Variants in LRRC52 observed in about 807,000 individuals in gnomAD.
The protein encoded by LRRC52 is leucine-rich repeat-containing protein 52.
Under a neutral mutation model 14.7 loss-of-function variants are expected in LRRC52, and 15 were observed. The ratio of observed to expected loss-of-function variants is 1.02; its 90% CI spans 0.68 to 1.58. The LOEUF (loss-of-function observed/expected upper bound fraction) is 1.58, where lower values mean the gene tolerates loss of function less well. Among genes scored for constraint, LRRC52 ranks in the 40% most tolerant of loss-of-function variants. The pLI is 0.00. For synonymous variants in LRRC52, 180 were observed against 163.9 expected, an observed-to-expected ratio of 1.10 and a Z score of -0.75; for missense variants, 400 against 387.7, an observed-to-expected ratio of 1.03 and a Z score of -0.27.
chr1:165,544,091 A>G lies in LRRC52; in HGVS notation c.-206A>G, dbSNP rs1660958980. 1.3e-5 allele frequency: 8 copies of G among 631,440 alleles called. No individual in the cohort carries two copies. In the South Asian group the frequency reaches 1.7e-4, roughly 13 times the overall value. The allele number at this position is 631,440 out of a possible 1,614,324, so 39.1% of individuals were successfully genotyped here. ...GCAGCAGTCTGGGAGCGAGCGACAG[A>G]GCCACCAAGCTGGGCGGCAGGGCAT... On this transcript the variant is annotated 5_prime_UTR_variant, in exon 1 of 2. Coordinates refer to ENST00000294818, the MANE Select transcript of LRRC52 (RefSeq NM_001005214.4).
chr1:165,554,466 A>T (rs1661195522), intron 1 of LRRC52, among the ~76,000 whole-genome samples: 1 of 139,782 alleles, frequency 7.2e-6, no homozygotes, highest in South Asian at 2.2e-4. Flanking sequence ...TTGGAGGCAG[A>T]CTCTTGCTGC....
At chr1:165,549,457 G>C (rs1253035667) in intron 1 of LRRC52, among the ~76,000 whole-genome samples, 1 of 152,208 alleles carries the variant, frequency 6.6e-6, no homozygotes, top group South Asian at 2.1e-4. Context: ...TTAGTCACTA[G>C]AGGTTCATCC....
chr1:165,555,512 T>C (rs967009011), intron 1 of LRRC52, among the ~76,000 whole-genome samples: 1 of 152,088 alleles, frequency 6.6e-6, no homozygotes. Context: ...TGGGAAGTCA[T>C]GGAAGGATTT....
Position 165,544,821 on chromosome 1 carries a change from T to C in LRRC52, c.525T>C (p.Thr175=), listed in dbSNP as rs766390110. The C allele has an allele frequency of 1.2e-6, 2 of 1,613,714 alleles. No homozygotes were observed. Among genetic ancestry groups the C allele is most frequent in the Non-Finnish European group, 1.7e-6 (2 of 1,179,830 alleles). The change falls in exon 1 of 2, where the codon ACT becomes ACC. Residue 175 remains threonine, a synonymous_variant. Coordinates refer to ENST00000294818, the MANE Select transcript of LRRC52 (RefSeq NM_001005214.4). ...LDSAALYHLT[T]LETLFLSGNP... is the part of the protein sequence containing the mutation. ...GTGCTGCCTTATACCACCTCACTAC[T>C]CTGGAGACCCTGTTTCTGAGTGGAA...
At chr1:165,558,457 T>G (rs1221466567) in intron 1 of LRRC52, among the ~76,000 whole-genome samples, 5 of 152,230 alleles carry the variant, frequency 3.3e-5, no homozygotes, top group Non-Finnish European at 2.9e-5. Flanking sequence ...GTATAGTTTA[T>G]TCATTCCATA....
In LRRC52 at chr1:165,544,782, G is replaced by A; in HGVS notation, c.486G>A (p.Leu162=). 6.2e-7 allele frequency: 1 copy of A among 1,614,032 alleles called. No homozygotes were observed. The highest frequency in any genetic ancestry group is 8.5e-7 in the Non-Finnish European group (1 of 1,180,006). The change falls in exon 1 of 2, where the codon TTG becomes TTA. Residue 162 remains leucine (L), a synonymous_variant. Transcript: ENST00000294818. ...ACCTGGACCTCAGAAATACCGGCTT[G>A]CAGACCCTGGACAGTGCTGCCTTAT... The part of the protein sequence containing the change: ...LRYLDLRNTG[L]QTLDSAALYH...
At position 165,547,896 on chromosome 1, in the gene LRRC52, G is replaced by T. The variant is rs1023510568; in HGVS notation, c.622+2978G>T. On this transcript the variant is annotated intron_variant, in intron 1 of 1. Coordinates refer to ENST00000294818, the MANE Select transcript of LRRC52 (RefSeq NM_001005214.4). ...CTAGCCAAACCTCAATGTAAGGAAA[G>T]GTATTTAATTCATTTGACTCTCAAA... is the stretch of plus-strand genomic sequence containing the variant. Among the ~76,000 whole-genome samples, 5 of 152,130 alleles carry T rather than the reference G, an allele frequency of 3.3e-5. No homozygotes were observed. The East Asian group carries it at 9.6e-4, about 29-fold the overall frequency.
At chr1:165,561,902 C>T (rs991749160) in intron 1 of LRRC52, among the ~76,000 whole-genome samples, 2 of 152,230 alleles carry the variant, frequency 1.3e-5, no homozygotes, top group Admixed American at 1.3e-4. Flanking sequence ...TGCCTTCTCC[C>T]CAGCCAACTT....
At chr1:165,553,892 G>A (rs1661184225) in intron 1 of LRRC52, among the ~76,000 whole-genome samples, 1 of 152,180 alleles carries the variant, frequency 6.6e-6, no homozygotes, top group Admixed American at 6.5e-5. Flanking sequence ...TTCATGTAAT[G>A]TTTTCTATGA....
chr1:165,559,862 T>C (rs777693270), intron 1 of LRRC52, among the ~76,000 whole-genome samples: 11 of 152,194 alleles, frequency 7.2e-5, no homozygotes, highest in Admixed American at 7.2e-4. Context: ...AGTAAGATAA[T>C]ATTTGCCTAA....
rs150814230 is a variant in LRRC52, at chr1:165,544,479, C to G, written c.183C>G (p.Asn61Lys). Residue 61 changes from asparagine (N) to lysine (K), a missense_variant, in exon 1 of 2, where the codon AAC (asparagine) becomes AAG (lysine). Asn to Lys is a moderately conservative substitution (Grantham distance 94, BLOSUM62 0). Coordinates refer to ENST00000294818, the MANE Select transcript of LRRC52 (RefSeq NM_001005214.4). Reference protein sequence around the residue: ...IPLNTRRLFLNENRITSLPAM... With the variant: ...IPLNTRRLFLKENRITSLPAM... ...TGAACACCCGGAGGCTGTTCCTGAA[C>G]GAGAACAGAATCACTAGTTTGCCAG... 6.2e-7 allele frequency: 1 copy of G among 1,614,134 alleles called. No individual in the cohort carries two copies. The highest frequency in any genetic ancestry group is 8.5e-7 in the Non-Finnish European group (1 of 1,180,026).
chr1:165,547,037 A>G (rs1661033065), intron 1 of LRRC52, among the ~76,000 whole-genome samples: 1 of 152,034 alleles, frequency 6.6e-6, no homozygotes, highest in Non-Finnish European at 1.5e-5. Flanking sequence ...TTTTCCACAC[A>G]TGGTACCTCA....
Position 165,544,304 on chromosome 1 carries a change from T to C in LRRC52, c.8T>C (p.Leu3Pro). MSLASGPGPGWLL... is the reference protein window; with the variant it reads MSPASGPGPGWLL... ...TGGTTGTGGCTTCTTACTATGTCCC[T>C]TGCTTCAGGCCCTGGCCCTGGGTGG... The change falls in exon 1 of 2, where the codon CTT becomes CCT. Residue 3 changes from leucine (L) to proline (P), a missense_variant. Leu to Pro is a moderately conservative substitution (Grantham distance 98, BLOSUM62 -3). Transcript: ENST00000294818. 1 of 1,551,688 alleles carries C rather than the reference T, an allele frequency of 6.4e-7. No homozygotes were observed.
chr1:165,561,174 T>C (rs957037194), intron 1 of LRRC52, among the ~76,000 whole-genome samples: 1 of 152,042 alleles, frequency 6.6e-6, no homozygotes, highest in Non-Finnish European at 1.5e-5. Flanking sequence ...TAACAATGCA[T>C]TAAAATCACT....
At chr1:165,547,530 A>T (rs1008417741) in intron 1 of LRRC52, among the ~76,000 whole-genome samples, 8 of 152,158 alleles carry the variant, frequency 5.3e-5, no homozygotes, top group African/African-American at 1.9e-4. Flanking sequence ...ATTTGCTCTC[A>T]TTTGGGCCTT....
intron 1 of LRRC52, among the ~76,000 whole-genome samples, chr1:165,560,142 A>G (rs1661313808): frequency 6.6e-6 from 1 of 152,248 alleles, no homozygotes; most frequent in Non-Finnish European, 1.5e-5. Flanking sequence ...GGCTGGGAAT[A>G]CTTTTTTTCT....
rs1236611193 is a variant in LRRC52, at chr1:165,544,035, C to G, written c.-262C>G. 2 of 529,144 alleles carry G rather than the reference C, an allele frequency of 3.8e-6. No individual in the cohort carries two copies. Among genetic ancestry groups the G allele is most frequent in the South Asian group, 2.6e-5 (1 of 39,018 alleles). The allele number at this position is 529,144 out of a possible 1,614,324, so 32.8% of individuals were successfully genotyped here. On this transcript the variant is annotated 5_prime_UTR_variant, in exon 1 of 2. Coordinates refer to ENST00000294818, the MANE Select transcript of LRRC52 (RefSeq NM_001005214.4). Reference sequence around the variant, plus strand: ...TGCAAACGCAGGGAAAGGGTGAGACCTTTCAAAGCTGCCAAGTGGGCAAGC... The same window carrying G: ...TGCAAACGCAGGGAAAGGGTGAGACGTTTCAAAGCTGCCAAGTGGGCAAGC...
chr1:165,555,802 G>A (rs1026161768), intron 1 of LRRC52, among the ~76,000 whole-genome samples: 2 of 152,246 alleles, frequency 1.3e-5, no homozygotes, highest in African/African-American at 2.4e-5. Flanking sequence ...TGGTGAACTG[G>A]TGAATGATGG....
intron 1 of LRRC52, among the ~76,000 whole-genome samples, chr1:165,554,213 T>C (rs1472000683): frequency 6.6e-6 from 1 of 152,142 alleles, no homozygotes; most frequent in African/African-American, 2.4e-5. Flanking sequence ...CTGTCGTTGT[T>C]GTTACAAATT....
Sources: gnomAD v4.1 joint callset for allele counts (sites outside exome capture counted in the v4.1 genomes callset) on GRCh38, gnomAD v4.1.1 for gene constraint, MANE v1.5 for transcripts, NCBI Gene and HGNC (gene_info 2026-07-23, HGNC 2026-07-21) for gene names.